ATAD2B: variants seen among roughly 807,000 people sequenced by gnomAD.
ATAD2B encodes ATPase family AAA domain-containing protein 2B.
Under a neutral mutation model 167.6 loss-of-function variants are expected in ATAD2B, and 40 were observed. The observed-to-expected ratio is 0.24, with a 90% CI of 0.19 to 0.31. ATAD2B has a LOEUF of 0.31. ATAD2B is among the 10% of genes least tolerant of loss of function. ATAD2B has a pLI of 1.00. For synonymous variants in ATAD2B, 579 were observed against 596.5 expected (o/e 0.97, Z 0.43); for missense variants, 1,242 against 1,757.2 (o/e 0.71, Z 5.24).
intron 8 of ATAD2B, among the ~76,000 whole-genome samples, chr2:23,872,111 C>T (rs1696079427): frequency 6.6e-6 from 1 of 152,144 alleles, no homozygotes; most frequent in African/African-American, 2.4e-5. Context: ...CTCCTGACCT[C>T]ATGATTCGCC....
the ATAD2B span, chr2:23,684,615 T>G: frequency 7.5e-7 from 1 of 1,327,548 alleles, no homozygotes. The surrounding 1 kb of genome is among the most constrained non-coding windows in gnomAD (Gnocchi z 4.4). Flanking sequence ...TCCCCTCTCT[T>G]GCAGGTTCCT....
chr2:23,914,112 A>T (rs1702685672), intron 1 of ATAD2B, among the ~76,000 whole-genome samples: 2 of 152,214 alleles, frequency 1.3e-5, no homozygotes, highest in African/African-American at 4.8e-5. Flanking sequence ...ACAAAAAAAA[A>T]GTATAGTATT....
At chr2:23,752,393 G>T (rs1675449037) in intron 27 of ATAD2B, among the ~76,000 whole-genome samples, 1 of 149,092 alleles carries the variant, frequency 6.7e-6, no homozygotes, top group Admixed American at 6.7e-5. Context: ...TAAGGATGAT[G>T]ATAGCAACAC....
intron 12 of ATAD2B, among the ~76,000 whole-genome samples, chr2:23,860,893 C>A (rs756239710): frequency 6.6e-6 from 1 of 152,148 alleles, no homozygotes; most frequent in African/African-American, 2.4e-5. Context: ...ATCACCTGAA[C>A]CCAGGAGGTG....
chr2:23,753,167 A>T lies in ATAD2B; in HGVS notation c.4335+1012T>A, dbSNP rs553504907. Among the ~76,000 whole-genome samples the T allele has an allele frequency of 3.3e-5, 5 of 152,328 alleles. No homozygotes were observed. The South Asian group carries it at 1.0e-3, about 32-fold the overall frequency. The stretch of plus-strand genomic sequence containing the variant: ...CAAAACTAACAGGCTGTATTAACAG[A>T]TCATCATCCGATCAACAAGTTCTTC... On this transcript the variant is annotated intron_variant, in intron 27 of 27. Coordinates refer to ENST00000238789, the MANE Select transcript of ATAD2B (RefSeq NM_017552.4).
At chr2:23,691,361 G>C in the ATAD2B span, 12 of 406,230 alleles carry the variant, frequency 3.0e-5, 1 homozygote, top group East Asian at 6.6e-4. Context: ...GGGCTGAACC[G>C]TATTGTTTCC....
chr2:23,814,742 T>C (rs1206667848), intron 17 of ATAD2B, among the ~76,000 whole-genome samples: 1 of 150,752 alleles, frequency 6.6e-6, no homozygotes, highest in Non-Finnish European at 1.5e-5. Flanking sequence ...CTACAAAGGG[T>C]TTTGTAAGCC....
chr2:23,859,898 C>G (rs377464228), intron 12 of ATAD2B, among the ~76,000 whole-genome samples: 8 of 151,148 alleles, frequency 5.3e-5, no homozygotes, highest in African/African-American at 1.7e-4. Flanking sequence ...TGCTGTGAGC[C>G]GAGATTGTGC....
intron 4 of ATAD2B, among the ~76,000 whole-genome samples, 193 bp downstream of exon 4, chr2:23,887,639 C>T (rs1402210624): frequency 6.6e-6 from 1 of 152,148 alleles, no homozygotes; most frequent in African/African-American, 2.4e-5. Flanking sequence ...AGCTAAGAGA[C>T]TCAATCCCAC....
intron 1 of ATAD2B, among the ~76,000 whole-genome samples, chr2:23,921,721 T>G (rs549490940): frequency 4.7e-4 from 71 of 152,340 alleles, no homozygotes; most frequent in African/African-American, 1.7e-3. Context: ...ACTCCACTAC[T>G]GCTTTGGTTC....
At chr2:23,797,142 T>A (rs535774949) in intron 19 of ATAD2B, among the ~76,000 whole-genome samples, 2 of 152,234 alleles carry the variant, frequency 1.3e-5, no homozygotes, top group Admixed American at 6.5e-5. Flanking sequence ...ACAAACACTT[T>A]AACCATAAAA....
chr2:23,823,520 A>C lies in ATAD2B; in HGVS notation c.1869T>G (p.Ile623Met). The C allele has an allele frequency of 6.2e-7, 1 of 1,613,456 alleles. No individual in the cohort carries two copies. The highest frequency in any genetic ancestry group is 1.3e-5 in the African/African-American group (1 of 75,054). Residue 623 changes from isoleucine (I) to methionine (M), a missense_variant, in exon 16 of 28, where the codon ATT becomes ATG. This residue lies in a region of ATAD2B where 151 missense variants were observed against 284.1 expected (regional missense o/e 0.53). Coordinates refer to ENST00000238789, the MANE Select transcript of ATAD2B (RefSeq NM_017552.4). ...IKALCTEAAL[I>M]ALRRRYPQIY... ...TCTGGGGATAACGCCTCCGCAGTGC[A>C]ATCAGGGCGGCTTCAGTGCACAGGG...
intron 9 of ATAD2B, among the ~76,000 whole-genome samples, chr2:23,868,303 T>C (rs1695442381): frequency 6.6e-6 from 1 of 152,226 alleles, no homozygotes; most frequent in South Asian, 2.1e-4. Flanking sequence ...AAAATTAAGC[T>C]ACTGATTGAT....
At chr2:23,710,729 T>C in the ATAD2B span, among the ~76,000 whole-genome samples, 57 of 152,288 alleles carry the variant, frequency 3.7e-4, no homozygotes, top group Middle Eastern at 3.4e-3. Context: ...AACAATACAG[T>C]GTAACAACCA....
At chr2:23,808,124 T>TATATATAAGTAATTATATATATAATTATA (rs1558570147) in intron 18 of ATAD2B, among the ~76,000 whole-genome samples, 1 of 17,752 alleles carries the variant, frequency 5.6e-5, no homozygotes, top group Non-Finnish European at 1.2e-4. Flanking sequence ...TATATAATTA[T>TATATATAAGTAATTATATATATAATTATA]TATATATAAG....
At chr2:23,906,179 A>G (rs1701461571) in intron 1 of ATAD2B, among the ~76,000 whole-genome samples, 1 of 152,002 alleles carries the variant, frequency 6.6e-6, no homozygotes, top group Non-Finnish European at 1.5e-5. Context: ...TCTACTAAAA[A>G]TACAAAAAAA....
At chr2:23,739,317 A>G in the ATAD2B span, among the ~76,000 whole-genome samples, 1 of 152,224 alleles carries the variant, frequency 6.6e-6, no homozygotes, top group Non-Finnish European at 1.5e-5. Flanking sequence ...ACTCCTCAGC[A>G]AATGTAAAAG....
chr2:23,880,821 C>G lies in ATAD2B; in HGVS notation c.785-66G>C, dbSNP rs973157831. On this transcript the variant is annotated intron_variant, in intron 6 of 27. Coordinates refer to ENST00000238789, the MANE Select transcript of ATAD2B (RefSeq NM_017552.4). ...TTTAATTCAAAAGGATTGGTCTACT[C>G]TAGAACTGAATATTTACACTTTATC... The G allele has an allele frequency of 3.2e-6, 3 of 924,474 alleles. No individual in the cohort carries two copies. The African/African-American group carries it at 5.0e-5, about 15-fold the overall frequency. 57.3% of individuals were successfully genotyped at this position (924,474 alleles called of 1,614,324 possible).
At position 23,780,268 on chromosome 2, in the gene ATAD2B, TGTGTGTGTG is replaced by T. The variant is rs1679816298; in HGVS notation, c.3133+2592_3133+2600del. 4.9e-4 allele frequency among the ~76,000 whole-genome samples: 3 copies of T among 6,120 alleles called. No individual in the cohort carries two copies. The East Asian group carries it at 0.031, about 62-fold the overall frequency. The allele number at this position is 6,120 out of a possible 152,430, so 4.0% of individuals were successfully genotyped here. A position where few individuals can be genotyped will look rare whatever the true frequency, so the allele number is the denominator to read the frequency against. ...GTCTCCAAAAAAAAAAGTATATACT[TGTGTGTGTG>T]TGTGTGTGTGTGTGTGTGTGTGTGT... is the stretch of plus-strand genomic sequence containing the variant. On this transcript the variant is annotated intron_variant, in intron 22 of 27. Coordinates refer to ENST00000238789, the MANE Select transcript of ATAD2B (RefSeq NM_017552.4).
Sources: gnomAD v4.1 joint callset for allele counts (sites outside exome capture counted in the v4.1 genomes callset) on GRCh38, gnomAD v4.1.1 for gene constraint, gnomAD v4.1.1 regional missense constraint, Gnocchi (gnomAD v3.1) non-coding constraint, MANE v1.5 for transcripts, NCBI Gene and HGNC (gene_info 2026-07-23, HGNC 2026-07-21) for gene names.